The following RFX8 variants were observed in gnomAD, a reference collection of about 807,000 sequenced individuals.
The protein encoded by RFX8 is regulatory factor X8.
In RFX8, 46 loss-of-function variants were observed where a neutral mutation model predicts 54.6. The observed-to-expected ratio is 0.84, with a 90% CI of 0.67 to 1.08. RFX8 has a LOEUF of 1.08. Among genes scored for constraint, RFX8 ranks in the 50% least tolerant of loss-of-function variants. The pLI, the probability that RFX8 is intolerant of heterozygous loss-of-function variation, is 0.00. For missense variants in RFX8, 536 were observed against 562.3 expected, an observed-to-expected ratio of 0.95 and a Z score of 0.47; for synonymous variants, 192 against 209.5, an observed-to-expected ratio of 0.92 and a Z score of 0.72.
chr2:101,435,740 T>C (rs890148324), intron 2 of RFX8, among the ~76,000 whole-genome samples: 2 of 152,118 alleles, frequency 1.3e-5, no homozygotes, highest in African/African-American at 2.4e-5. Context: ...TCTGCCCTGA[T>C]AGGGGAGCAG....
chr2:101,397,770 T>C (rs763021379), intron 11 of RFX8, 46 bp from the exon 12 acceptor site: 36 of 1,457,614 alleles, frequency 2.5e-5, no homozygotes, highest in Non-Finnish European at 2.9e-5. Flanking sequence ...AAGAGACAGA[T>C]ACTATTCCTT....
intron 1 of RFX8, 59 bp downstream of exon 1, chr2:101,474,577 C>T: frequency 3.5e-6 from 1 of 282,626 alleles, no homozygotes; most frequent in Non-Finnish European, 6.6e-6. Context: ...CACCCAGCGC[C>T]CTTCCCACCG....
intron 1 of RFX8, among the ~76,000 whole-genome samples, chr2:101,469,014 ATAG>A (rs1689749010): frequency 3.8e-5 from 1 of 26,492 alleles, no homozygotes; most frequent in Non-Finnish European, 1.2e-4. Context: ...GTATATATAT[ATAG>A]GTATATATAT....
intron 2 of RFX8, among the ~76,000 whole-genome samples, chr2:101,438,996 A>G (rs1687938472): frequency 6.6e-6 from 1 of 152,100 alleles, no homozygotes; most frequent in Non-Finnish European, 1.5e-5. Flanking sequence ...TATTTTTAGT[A>G]GAGACAGGGT....
At chr2:101,441,431 A>C (rs1008737466) in intron 2 of RFX8, among the ~76,000 whole-genome samples, 1 of 152,060 alleles carries the variant, frequency 6.6e-6, no homozygotes. Flanking sequence ...AGAGGAAGAG[A>C]CCTGAGCCAG....
intron 6 of RFX8, among the ~76,000 whole-genome samples, chr2:101,416,021 T>A (rs1401979963): frequency 6.6e-6 from 1 of 152,124 alleles, no homozygotes; most frequent in East Asian, 1.9e-4. Context: ...CACTGTTGGG[T>A]CATGGGAGTC....
intron 8 of RFX8, 77 bp downstream of exon 8, chr2:101,412,838 A>G (rs1573371648): frequency 1.5e-6 from 2 of 1,336,718 alleles, no homozygotes; most frequent in Non-Finnish European, 2.0e-6. Context: ...TAAGAAATTC[A>G]TGAGTTAACG....
At chr2:101,400,703 A>G (rs1685384703) in intron 11 of RFX8, among the ~76,000 whole-genome samples, 1 of 152,108 alleles carries the variant, frequency 6.6e-6, no homozygotes, top group East Asian at 1.9e-4. Flanking sequence ...GTCATGCTAC[A>G]CTCCGACCTC....
chr2:101,408,176 TG>T (rs1685857380), intron 9 of RFX8, among the ~76,000 whole-genome samples: 3 of 152,264 alleles, frequency 2.0e-5, no homozygotes, highest in African/African-American at 7.2e-5. Flanking sequence ...ATGATCTCAG[TG>T]GGTTCATCTG....
At chr2:101,425,880 G>A (rs539919529) in intron 2 of RFX8, among the ~76,000 whole-genome samples, 3 of 152,322 alleles carry the variant, frequency 2.0e-5, no homozygotes, top group East Asian at 1.9e-4. Flanking sequence ...GAATTCCAGT[G>A]TGGAAACAAT....
chr2:101,406,607 A>G (rs1685752085), intron 9 of RFX8, among the ~76,000 whole-genome samples: 1 of 152,126 alleles, frequency 6.6e-6, no homozygotes, highest in African/African-American at 2.4e-5. Flanking sequence ...TCCCAAAGGC[A>G]CTGGGATTAG....
intron 2 of RFX8, among the ~76,000 whole-genome samples, chr2:101,430,234 T>C (rs578134356): frequency 6.6e-6 from 1 of 152,296 alleles, no homozygotes; most frequent in South Asian, 2.1e-4. Flanking sequence ...CACATGCACA[T>C]AGGGTGATGG....
chr2:101,426,280 G>T (rs1356735524), intron 2 of RFX8, among the ~76,000 whole-genome samples: 1 of 152,056 alleles, frequency 6.6e-6, no homozygotes, highest in Non-Finnish European at 1.5e-5. Flanking sequence ...CAGGACGATT[G>T]CCTCGGGCCA....
At chr2:101,410,140 G>A (rs1250303349) in intron 9 of RFX8, among the ~76,000 whole-genome samples, 1 of 151,838 alleles carries the variant, frequency 6.6e-6, no homozygotes, top group African/African-American at 2.4e-5. Context: ...CACACCTGCA[G>A]ACGCAGTCAC....
intron 2 of RFX8, among the ~76,000 whole-genome samples, chr2:101,449,550 T>C (rs931996806): frequency 1.3e-5 from 2 of 152,258 alleles, no homozygotes; most frequent in Admixed American, 1.3e-4. Context: ...TATCTGTTGG[T>C]ATCAAGATTG....
chr2:101,429,741 C>T (rs951111988), intron 2 of RFX8, among the ~76,000 whole-genome samples: 6 of 152,152 alleles, frequency 3.9e-5, no homozygotes, highest in Non-Finnish European at 7.3e-5. Flanking sequence ...AGCACACATC[C>T]TCATGCCTGA....
chr2:101,452,435 C>T lies in RFX8; in HGVS notation c.72+14342G>A, dbSNP rs1688736462. The T allele has an allele frequency of 2.2e-6, 3 of 1,355,610 alleles. No individual in the cohort carries two copies. In the South Asian group the frequency reaches 5.4e-5, roughly 24 times the overall value. The allele number at this position is 1,355,610 out of a possible 1,614,324, so 84.0% of individuals were successfully genotyped here. On this transcript the variant is annotated intron_variant, in intron 2 of 11. Coordinates refer to ENST00000428343, the MANE Select transcript of RFX8 (RefSeq NM_001145664.2). ...TCCGGGTGCCAAGGTCCGGAAAAAC[C>T]AATCTCACAAGCTAAAAGAATAAGC...
chr2:101,423,818 GA>G (rs1687010598), intron 2 of RFX8, among the ~76,000 whole-genome samples: 2 of 152,128 alleles, frequency 1.3e-5, no homozygotes. Flanking sequence ...GCACACACCG[GA>G]AACAGGCACC....
chr2:101,397,438 A>G lies in RFX8; in HGVS notation c.*110T>C, dbSNP rs1685189275. The G allele has an allele frequency of 1.7e-6, 1 of 603,744 alleles. No individual in the cohort carries two copies. Among genetic ancestry groups the G allele is most frequent in the African/African-American group, 1.9e-5 (1 of 52,728 alleles). The allele number at this position is 603,744 out of a possible 1,614,324, so 37.4% of individuals were successfully genotyped here. On this transcript the variant is annotated 3_prime_UTR_variant, in exon 12 of 12. Coordinates refer to ENST00000428343, the MANE Select transcript of RFX8 (RefSeq NM_001145664.2). Reference sequence around the variant, plus strand: ...ATAAACATAAAATAGACAATGCTACATCTATTATATACATAACATCATCTT... The same window carrying G: ...ATAAACATAAAATAGACAATGCTACGTCTATTATATACATAACATCATCTT...
Sources: allele counts gnomAD v4.1 joint callset (sites outside exome capture counted in the v4.1 genomes callset), GRCh38; gene constraint gnomAD v4.1.1; transcripts MANE v1.5; gene names NCBI Gene and HGNC (gene_info 2026-07-23, HGNC 2026-07-21).